The following DOCK9 variants were observed in gnomAD, a reference collection of about 807,000 sequenced individuals.
DOCK9 encodes dedicator of cytokinesis protein 9.
DOCK9 carries 89 observed loss-of-function variants against 263.3 expected under a neutral mutation model. That is an observed-to-expected ratio of 0.34 (90% confidence interval 0.28 to 0.40). DOCK9 has a LOEUF of 0.40. Among genes scored for constraint, DOCK9 ranks in the 10% least tolerant of loss-of-function variants. DOCK9 has a pLI of 1.00. For synonymous variants in DOCK9, 976 were observed against 973.1 expected (o/e 1.00, Z -0.06); for missense variants, 2,140 against 2,603.4 (o/e 0.82, Z 3.87).
intron 1 of DOCK9, among the ~76,000 whole-genome samples, chr13:99,046,683 T>G (rs1310793930): frequency 6.6e-6 from 1 of 152,182 alleles, no homozygotes; most frequent in Non-Finnish European, 1.5e-5. Flanking sequence ...GGGTGTAAAA[T>G]AAACACACAC....
chr13:99,050,579 G>C (rs549283075), intron 1 of DOCK9, among the ~76,000 whole-genome samples: 9 of 152,284 alleles, frequency 5.9e-5, no homozygotes, highest in Admixed American at 2.0e-4. Context: ...TGTAATCCCA[G>C]CTACTCGGGA....
chr13:98,960,954 C>A (rs116910102), intron 1 of DOCK9, among the ~76,000 whole-genome samples: 3,028 of 152,264 alleles, frequency 0.02, 38 homozygotes, highest in South Asian at 0.028. Flanking sequence ...TGTATACATT[C>A]TTTGCTTTCT....
intron 33 of DOCK9, chr13:98,859,088 T>C (rs937139259): frequency 6.6e-6 from 1 of 152,186 alleles, no homozygotes; most frequent in Non-Finnish European, 1.5e-5. Context: ...CGATTCCAGA[T>C]CCAAGGCTGC....
intron 15 of DOCK9, among the ~76,000 whole-genome samples, chr13:98,892,910 GA>G (rs2046842749): frequency 1.3e-5 from 2 of 152,182 alleles, no homozygotes; most frequent in African/African-American, 4.8e-5. Flanking sequence ...TTAAAAAGAG[GA>G]GGCGGCTCAG....
At position 98,990,741 on chromosome 13, in the gene DOCK9, A is replaced by G. The variant is rs566157888; in HGVS notation, c.130-35190T>C. Among the ~76,000 whole-genome samples the G allele has an allele frequency of 4.6e-5, 7 of 152,334 alleles. No individual in the cohort carries two copies. In the East Asian group the frequency reaches 1.3e-3, roughly 29 times the overall value. ...CAAACTCTGCAATTCAGCAATACAT[A>G]TGAGCACCCCAGTTAATGGGCTCAC... On this transcript the variant is annotated intron_variant, in intron 1 of 32. Transcript: ENST00000427887.
At chr13:99,072,067 T>C (rs533070364) in intron 1 of DOCK9, among the ~76,000 whole-genome samples, 1 of 152,334 alleles carries the variant, frequency 6.6e-6, no homozygotes, top group South Asian at 2.1e-4. Context: ...CCACAATCTC[T>C]TTCACGGTTT....
chr13:99,086,192 C>G, intron 1 of DOCK9: 3 of 1,474,348 alleles, frequency 2.0e-6, no homozygotes, highest in Non-Finnish European at 2.7e-6. Flanking sequence ...CCCCGCCATC[C>G]TCCCCCGGCC....
intron 9 of DOCK9, among the ~76,000 whole-genome samples, chr13:98,907,479 T>C (rs927093336): frequency 2.0e-5 from 3 of 152,096 alleles, no homozygotes; most frequent in African/African-American, 4.8e-5. Flanking sequence ...CAAATAGGAA[T>C]GCAGACACAA....
At chr13:99,020,850 G>A (rs1028111879) in intron 1 of DOCK9, among the ~76,000 whole-genome samples, 2 of 152,314 alleles carry the variant, frequency 1.3e-5, no homozygotes, top group Non-Finnish European at 2.9e-5. Context: ...TGGCTGAAAG[G>A]AAGATCTCAC....
Position 98,936,305 on chromosome 13 carries a change from G to T in DOCK9, c.244-6048C>A, listed in dbSNP as rs533914976. On this transcript the variant is annotated intron_variant, in intron 2 of 52. Transcript: ENST00000682017. ...AGATTGCAAATTCCTTTGAGAACAG[G>T]AGATACATCTTCCTATTTCTAGCTA... Among the ~76,000 whole-genome samples, 3 of 152,144 alleles carry T rather than the reference G, an allele frequency of 2.0e-5. No homozygotes were observed. In the South Asian group the frequency reaches 6.2e-4, roughly 32 times the overall value.
Position 98,902,308 on chromosome 13 carries a change from C to T in DOCK9, c.1360G>A (p.Ala454Thr), listed in dbSNP as rs56010605. 4.7e-4 allele frequency: 759 copies of T among 1,613,846 alleles called. 3 individuals are homozygous for T. Among genetic ancestry groups the T allele is most frequent in the South Asian group, 9.3e-4 (85 of 91,076 alleles). The change falls in exon 12 of 53, where the codon GCC (alanine) becomes ACC (threonine). Residue 454 changes from alanine to threonine, a missense_variant. Around this residue, in one of 2 missense-constraint regions of DOCK9, gnomAD observed 1,521 missense variants for 1,741.7 expected, o/e 0.87. Transcript: ENST00000682017. ...SVLKGILHEA[A>T]MQYPKQGIFS... ...CCCACCTGCTTCGGATACTGCATGG[C>T]GGCTTCATGAAGGATGCCCTTGAGG...
intron 1 of DOCK9, among the ~76,000 whole-genome samples, chr13:98,991,699 T>C (rs538900111): frequency 5.3e-5 from 8 of 151,022 alleles, no homozygotes; most frequent in Non-Finnish European, 1.0e-4. Flanking sequence ...TATATACATA[T>C]ATAAAAATAT....
At chr13:99,020,423 C>A (rs766875698) in intron 1 of DOCK9, among the ~76,000 whole-genome samples, 7 of 152,188 alleles carry the variant, frequency 4.6e-5, no homozygotes, top group South Asian at 2.1e-4. Flanking sequence ...CCAGGCTGCA[C>A]AACCCCCCAG....
intron 27 of DOCK9, among the ~76,000 whole-genome samples, chr13:98,876,421 G>A (rs112846346): frequency 0.041 from 6,245 of 152,298 alleles, 412 homozygotes; most frequent in African/African-American, 0.14. Context: ...AACCCAGGAG[G>A]TGGAGGTCGC....
chr13:98,921,529 C>A (rs1404982423), intron 6 of DOCK9, among the ~76,000 whole-genome samples: 1 of 152,190 alleles, frequency 6.6e-6, no homozygotes, highest in African/African-American at 2.4e-5. Context: ...CTCCCTGACT[C>A]CCTTGTTTCT....
At chr13:98,981,364 G>A (rs1414889303), upstream of DOCK9, among the ~76,000 whole-genome samples, 1 of 152,194 alleles carries the variant, frequency 6.6e-6, no homozygotes, top group Non-Finnish European at 1.5e-5. Flanking sequence ...GCCCAAGCAA[G>A]TAAAAATTTT....
intron 1 of DOCK9, among the ~76,000 whole-genome samples, chr13:98,996,850 T>C (rs1431752537): frequency 5.3e-5 from 8 of 152,236 alleles, no homozygotes; most frequent in Admixed American, 5.2e-4. Flanking sequence ...TTATAATAAC[T>C]TGGAAGTAAG....
At chr13:98,955,750 T>C (rs2057979730) in intron 1 of DOCK9, among the ~76,000 whole-genome samples, 199 bp from the exon 2 acceptor site, 1 of 152,254 alleles carries the variant, frequency 6.6e-6, no homozygotes. Context: ...CACAGAGTGA[T>C]GCTTGTTCAG....
intron 1 of DOCK9, among the ~76,000 whole-genome samples, chr13:99,030,752 T>A (rs1004605971): frequency 2.0e-5 from 3 of 152,144 alleles, no homozygotes; most frequent in Non-Finnish European, 4.4e-5. Flanking sequence ...ATCATGTACA[T>A]CACTGAAATT....
Sources: gnomAD v4.1 joint callset for allele counts (sites outside exome capture counted in the v4.1 genomes callset) on GRCh38, gnomAD v4.1.1 for gene constraint, gnomAD v4.1.1 regional missense constraint, MANE v1.5 for transcripts, NCBI Gene and HGNC (gene_info 2026-07-23, HGNC 2026-07-21) for gene names.